Variants in TARBP1 observed in about 807,000 individuals in gnomAD.
TARBP1 encodes the protein tRNA (guanosine(18)-2'-O)-methyltransferase TARBP1.
Under a neutral mutation model 178.6 loss-of-function variants are expected in TARBP1, and 144 were observed. The observed-to-expected ratio is 0.81, with a 90% confidence interval of 0.70 to 0.93. TARBP1 has a LOEUF of 0.93. TARBP1 is among the 40% of genes least tolerant of loss of function. TARBP1 has a pLI of 0.00. For missense variants in TARBP1, 2,067 were observed against 2,011.7 expected (o/e 1.03, Z -0.53); for synonymous variants, 787 against 781.0 (o/e 1.01, Z -0.13).
chr1:234,420,895 G>GT (rs1663008641), intron 20 of TARBP1, 83 bp from the exon 21 acceptor site: 1 of 850,516 alleles, frequency 1.2e-6, no homozygotes, highest in Non-Finnish European at 1.9e-6. Context: ...AACTTGAAAT[G>GT]TAAGTGGCTT....
chr1:234,433,693 A>C, intron 13 of TARBP1, 122 bp from the exon 14 acceptor site: 1 of 949,076 alleles, frequency 1.1e-6, no homozygotes, highest in Non-Finnish European at 1.6e-6. Flanking sequence ...TGAGAAAATA[A>C]GTTCTTTTCT....
chr1:234,479,158 G>C lies in TARBP1; in HGVS notation c.-55C>G. 6.9e-7 allele frequency: 1 copy of C among 1,439,036 alleles called. No individual in the cohort carries two copies. The allele number at this position is 1,439,036 out of a possible 1,614,324, so 89.1% of individuals were successfully genotyped here. On this transcript the variant is annotated 5_prime_UTR_variant, in exon 1 of 30. Coordinates refer to ENST00000040877, the MANE Select transcript of TARBP1 (RefSeq NM_005646.4). ...CTCCCAAAGGAAGGCGCCGGCGTGT[G>C]CGATGCGTGCGCACAGGACCGGCCG...
At position 234,425,655 on chromosome 1, in the gene TARBP1, A is replaced by G. The variant is rs764797041; in HGVS notation, c.3444+18T>C. 3 of 1,605,918 alleles carry G rather than the reference A, an allele frequency of 1.9e-6. No individual in the cohort carries two copies. In the East Asian group the frequency reaches 6.7e-5, roughly 36 times the overall value. ...TGACTGTTAAAAACAAAGATAATTT[A>G]AAGTAAAATACACTTACTTTATCTA... On this transcript the variant is annotated intron_variant, in intron 20 of 29. Transcript: ENST00000040877.
intron 22 of TARBP1, among the ~76,000 whole-genome samples, chr1:234,412,412 A>T (rs1055620168): frequency 2.4e-4 from 36 of 149,300 alleles, no homozygotes; most frequent in African/African-American, 8.9e-4. Flanking sequence ...ACAGAGACAG[A>T]CGCCGTCTCA....
intron 3 of TARBP1, 83 bp from the exon 4 acceptor site, chr1:234,467,733 A>AAC: frequency 7.7e-7 from 1 of 1,294,242 alleles, no homozygotes. Context: ...ATAATGTACA[A>AAC]ACACACACAA....
In TARBP1 at chr1:234,467,667, C is replaced by T. The variant is rs916064634; in HGVS notation, c.1100-17G>A. The T allele has an allele frequency of 2.6e-6, 4 of 1,559,468 alleles. No homozygotes were observed. The highest frequency in any genetic ancestry group is 3.5e-6 in the Non-Finnish European group (4 of 1,158,240). Reference sequence around the variant, plus strand: ...GCCAACATCCTGTGGAAACAAACATCAAATGTTGACATCTGATTCTGTCTT... The same window carrying T: ...GCCAACATCCTGTGGAAACAAACATTAAATGTTGACATCTGATTCTGTCTT... On this transcript the variant is annotated splice_polypyrimidine_tract_variant and intron_variant, in intron 3 of 29. Coordinates refer to ENST00000040877, the MANE Select transcript of TARBP1 (RefSeq NM_005646.4).
chr1:234,439,548 C>T (rs1027630086), intron 12 of TARBP1, among the ~76,000 whole-genome samples: 9 of 152,222 alleles, frequency 5.9e-5, no homozygotes, highest in African/African-American at 1.7e-4. Context: ...AACAAAGGCC[C>T]AGTGTGGTGG....
chr1:234,405,196 CCTGT>C (rs1257216519), intron 24 of TARBP1: 4 of 151,824 alleles, frequency 2.6e-5, no homozygotes, highest in African/African-American at 7.3e-5. Context: ...GTTGATATTG[CCTGT>C]GTCTCTAAAA....
chr1:234,403,780 T>A (rs1191261842), intron 24 of TARBP1, among the ~76,000 whole-genome samples: 1 of 152,112 alleles, frequency 6.6e-6, no homozygotes, highest in Non-Finnish European at 1.5e-5. Context: ...ACCTCCCGGG[T>A]TCAAGAGATT....
chr1:234,453,808 C>T (rs1378610182), intron 9 of TARBP1, among the ~76,000 whole-genome samples: 6 of 152,122 alleles, frequency 3.9e-5, no homozygotes, highest in African/African-American at 1.4e-4. Flanking sequence ...TATAAGCCTC[C>T]TGAGGGTAGT....
In TARBP1 at chr1:234,425,675, T is replaced by A. The variant is rs375213913; in HGVS notation, c.3442A>T (p.Lys1148Ter). Residue 1148 changes from lysine to a stop codon, truncating the protein, a stop_gained and splice_region_variant, in exon 20 of 30, where the codon AAA becomes TAA. Transcript: ENST00000040877. LOFTEE classifies it high-confidence loss of function. ...IEDLAIKLLDKDELVSKSKKR... is the reference protein window; with the variant it reads ...IEDLAIKLLD ...AATTTAAAGTAAAATACACTTACTTTATCTAATAGCTTGATTGCAAGATCC... is the reference window on the plus strand; with the variant it reads ...AATTTAAAGTAAAATACACTTACTTAATCTAATAGCTTGATTGCAAGATCC... 1.2e-6 allele frequency: 2 copies of A among 1,610,742 alleles called. No homozygotes were observed. Among genetic ancestry groups the A allele is most frequent in the African/African-American group, 1.3e-5 (1 of 74,766 alleles).
intron 22 of TARBP1, among the ~76,000 whole-genome samples, chr1:234,415,977 ACT>A (rs1239906456): frequency 1.3e-5 from 2 of 152,126 alleles, no homozygotes; most frequent in Admixed American, 6.5e-5. Flanking sequence ...TACATCAAAA[ACT>A]CTGTCTGATG....
At chr1:234,401,883 G>A (rs1160512029) in intron 24 of TARBP1, among the ~76,000 whole-genome samples, 1 of 152,078 alleles carries the variant, frequency 6.6e-6, no homozygotes, top group Admixed American at 6.6e-5. Flanking sequence ...CAGGAGACAG[G>A]AGTGAGAGAT....
chr1:234,476,664 A>T (rs1253881298), intron 1 of TARBP1, among the ~76,000 whole-genome samples: 2 of 152,234 alleles, frequency 1.3e-5, no homozygotes, highest in African/African-American at 4.8e-5. Context: ...TCCTACATAG[A>T]TCACCTGCAA....
rs530970282 is a variant in TARBP1 at position 234,468,660 on chromosome 1, C to A, written c.1100-1010G>T. On this transcript the variant is annotated intron_variant, in intron 3 of 29. Transcript: ENST00000040877. ...GCCTCTGCTTAAAATCCTTCAACAT[C>A]TCCTCATTGTTCTTAGAATAAAGTC... 4.6e-5 allele frequency among the ~76,000 whole-genome samples: 7 copies of A among 152,214 alleles called. No individual in the cohort carries two copies. The East Asian group carries it at 1.4e-3, about 30-fold the overall frequency.
intron 17 of TARBP1, among the ~76,000 whole-genome samples, chr1:234,428,875 T>G (rs1664077656): frequency 6.6e-6 from 1 of 152,178 alleles, no homozygotes; most frequent in Admixed American, 6.5e-5. Flanking sequence ...AGTTGCCAGG[T>G]AATCAAAATT....
At position 234,393,656 on chromosome 1, in the gene TARBP1, G is replaced by C. The variant is rs1558134805; in HGVS notation, c.4425C>G (p.Thr1475=). The change falls in exon 27 of 30, where the codon ACC becomes ACG. Residue 1475 remains threonine, a synonymous_variant. Coordinates refer to ENST00000040877, the MANE Select transcript of TARBP1 (RefSeq NM_005646.4). ...IVVASLIDKP[T]NLGGLCRTCE... ...AAACTCCAACTTTACCTCCTAAATT[G>C]GTCGGTTTGTCGATGAGCGAGGCCA... 1 of 1,606,910 alleles carries C rather than the reference G, an allele frequency of 6.2e-7. No homozygotes were observed. The highest frequency in any genetic ancestry group is 1.1e-5 in the South Asian group (1 of 90,682).
In TARBP1 at chr1:234,423,568, G is replaced by A. The variant is rs572963244; in HGVS notation, c.3444+2105C>T. On this transcript the variant is annotated intron_variant, in intron 20 of 29. Transcript: ENST00000040877. ...TCCCACCATGAAACGCCTTTGTCGA[G>A]GTGACCAAGACAGCTGAATCCAACA... Among the ~76,000 whole-genome samples, 7 of 152,160 alleles carry A rather than the reference G, an allele frequency of 4.6e-5. No homozygotes were observed. In the South Asian group the frequency reaches 1.5e-3, roughly 32 times the overall value.
chr1:234,447,394 C>CTT lies in TARBP1; in HGVS notation c.1962-421_1962-420dup, dbSNP rs36066908. 1.3e-3 allele frequency among the ~76,000 whole-genome samples: 141 copies of CTT among 104,616 alleles called. 2 individuals carry two copies. The highest frequency in any genetic ancestry group is 4.6e-3 in the South Asian group (14 of 3,052). 68.6% of individuals were successfully genotyped at this position (104,616 alleles called of 152,430 possible). The stretch of plus-strand genomic sequence containing the variant: ...GGATTTATTAAAAACTGTTAACCAA[C>CTT]TTTTTTTTTTTTTTTTTTGAGATGG... On this transcript the variant is annotated intron_variant, in intron 11 of 29. Coordinates refer to ENST00000040877, the MANE Select transcript of TARBP1 (RefSeq NM_005646.4).
Sources: gnomAD v4.1 joint callset for allele counts (sites outside exome capture counted in the v4.1 genomes callset) on GRCh38, gnomAD v4.1.1 for gene constraint, MANE v1.5 for transcripts, NCBI Gene and HGNC (gene_info 2026-07-23, HGNC 2026-07-21) for gene names.